The following TENM4 variants were observed in gnomAD, a reference collection of about 807,000 sequenced individuals.
TENM4 encodes teneurin transmembrane protein 4, also known as teneurin-4.
A neutral mutation model predicts 243.3 loss-of-function variants in TENM4; 82 were observed. The ratio of observed to expected loss-of-function variants is 0.34; its 90% CI spans 0.28 to 0.40. The LOEUF (loss-of-function observed/expected upper bound fraction) is 0.40. TENM4 is among the 10% of genes least tolerant of loss of function. The pLI, the probability that TENM4 is intolerant of heterozygous loss-of-function variation, is 1.00. For synonymous variants in TENM4, 1,412 were observed against 1,456.3 expected (o/e 0.97, Z 0.69); for missense variants, 3,138 against 3,673.3 (o/e 0.85, Z 3.77).
At chr11:79,245,343 C>T (rs981927360) in intron 2 of TENM4, among the ~76,000 whole-genome samples, 8 of 152,180 alleles carry the variant, frequency 5.3e-5, no homozygotes, top group East Asian at 3.9e-4. Context: ...TGAACTAGGA[C>T]GTGGATCAGT....
At chr11:78,838,387 G>T (rs1156429433) in intron 12 of TENM4, among the ~76,000 whole-genome samples, 1 of 150,594 alleles carries the variant, frequency 6.6e-6, no homozygotes, top group Non-Finnish European at 1.5e-5. Flanking sequence ...AGTTTTATAA[G>T]ACATGTGGAA....
chr11:78,826,843 A>G (rs1172792831), intron 12 of TENM4, among the ~76,000 whole-genome samples: 2 of 152,242 alleles, frequency 1.3e-5, no homozygotes, highest in Non-Finnish European at 2.9e-5. Flanking sequence ...GGAAGATCCA[A>G]CATGGGAATA....
intron 2 of TENM4, among the ~76,000 whole-genome samples, chr11:79,240,686 CTT>C (rs1439738208): frequency 1.3e-5 from 2 of 152,180 alleles, no homozygotes; most frequent in Admixed American, 6.5e-5. Context: ...GCATGGGAAT[CTT>C]ATGTTTTTTG....
intron 29 of TENM4, among the ~76,000 whole-genome samples, chr11:78,686,972 G>T (rs7926822): frequency 0.11 from 17,261 of 152,170 alleles, 1,702 homozygotes; most frequent in African/African-American, 0.27. Flanking sequence ...AATTACTTAA[G>T]GAATCCAATA....
At position 79,107,442 on chromosome 11, in the gene TENM4, C is replaced by T. The variant is rs191662068; in HGVS notation, c.-65-37433G>A. Among the ~76,000 whole-genome samples the T allele has an allele frequency of 9.7e-4, 147 of 152,288 alleles. 3 individuals carry two copies. The highest frequency in any genetic ancestry group is 3.4e-3 in the Middle Eastern group (1 of 294). On this transcript the variant is annotated intron_variant, in intron 4 of 33. Transcript: ENST00000278550. ...CCACCTCTGTGGCACATCCCATTCC[C>T]CTCACCTGGAAATATTTTCCTTCCT...
chr11:79,113,677 G>C (rs1312410934), intron 4 of TENM4, among the ~76,000 whole-genome samples: 1 of 152,018 alleles, frequency 6.6e-6, no homozygotes, highest in Non-Finnish European at 1.5e-5. Context: ...CAACAAAATG[G>C]CAATTCTCAA....
intron 6 of TENM4, among the ~76,000 whole-genome samples, chr11:79,014,122 A>G (rs1170061021): frequency 1.3e-5 from 2 of 148,384 alleles, no homozygotes; most frequent in Non-Finnish European, 2.9e-5. Context: ...ACAAATATTC[A>G]TTAAAAGAAT....
intron 4 of TENM4, among the ~76,000 whole-genome samples, chr11:79,111,548 A>G (rs1235003013): frequency 1.3e-5 from 2 of 152,130 alleles, no homozygotes; most frequent in African/African-American, 4.8e-5. Context: ...CTGTCTCAAC[A>G]ACAACAACAA....
At chr11:79,161,245 T>C (rs1240353965) in intron 3 of TENM4, among the ~76,000 whole-genome samples, 1 of 152,228 alleles carries the variant, frequency 6.6e-6, no homozygotes, top group African/African-American at 2.4e-5. Flanking sequence ...AGGAAACCTC[T>C]TTGCCCACAT....
intron 6 of TENM4, among the ~76,000 whole-genome samples, chr11:78,980,148 A>G (rs1231121432): frequency 6.6e-6 from 1 of 152,238 alleles, no homozygotes; most frequent in Non-Finnish European, 1.5e-5. Context: ...CTGTCAGAAG[A>G]ACTTTATTCA....
intron 3 of TENM4, among the ~76,000 whole-genome samples, chr11:79,204,256 A>C (rs1009034384): frequency 3.9e-5 from 6 of 152,162 alleles, no homozygotes; most frequent in African/African-American, 1.4e-4. Flanking sequence ...ACTTTAAATG[A>C]CTGTATGTAT....
chr11:78,917,819 T>C (rs2136374597), intron 6 of TENM4, among the ~76,000 whole-genome samples: 1 of 152,318 alleles, frequency 6.6e-6, no homozygotes, highest in Non-Finnish European at 1.5e-5. Flanking sequence ...TGGGTTTGAA[T>C]CCTGGCTCTA....
At chr11:79,261,173 G>T (rs1252000952) in intron 2 of TENM4, among the ~76,000 whole-genome samples, 1 of 152,298 alleles carries the variant, frequency 6.6e-6, no homozygotes, top group South Asian at 2.1e-4. Flanking sequence ...TGGACCTTTT[G>T]TGTGGAAAGT....
At chr11:79,066,037 C>T (rs1352827056) in intron 5 of TENM4, among the ~76,000 whole-genome samples, 1 of 152,150 alleles carries the variant, frequency 6.6e-6, no homozygotes, top group Non-Finnish European at 1.5e-5. Flanking sequence ...CAGGCAGAAC[C>T]CACATTTAAA....
chr11:79,359,306 C>G (rs967541445), intron 1 of TENM4, among the ~76,000 whole-genome samples: 2 of 152,052 alleles, frequency 1.3e-5, no homozygotes, highest in African/African-American at 4.8e-5. Flanking sequence ...TTGTAAAACT[C>G]TACAGGATAA....
intron 12 of TENM4, among the ~76,000 whole-genome samples, chr11:78,831,616 A>T (rs921357516): frequency 6.6e-6 from 1 of 152,232 alleles, no homozygotes; most frequent in African/African-American, 2.4e-5. Context: ...TCAAAGGCAG[A>T]TGTTTTCAGA....
At chr11:79,343,477 A>T (rs1211253820) in intron 1 of TENM4, among the ~76,000 whole-genome samples, 1 of 152,154 alleles carries the variant, frequency 6.6e-6, no homozygotes, top group Non-Finnish European at 1.5e-5. Flanking sequence ...GACAAAAAAA[A>T]TCCCTCCTTC....
intron 4 of TENM4, among the ~76,000 whole-genome samples, chr11:79,076,896 C>A (rs1156810107): frequency 1.3e-5 from 2 of 152,092 alleles, no homozygotes; most frequent in African/African-American, 4.8e-5. Flanking sequence ...TCTTTATTTT[C>A]TCTTATTTAC....
intron 3 of TENM4, among the ~76,000 whole-genome samples, chr11:79,197,294 A>G (rs1863649487): frequency 6.6e-6 from 1 of 151,912 alleles, no homozygotes; most frequent in South Asian, 2.1e-4. Context: ...GAAAGGAGGA[A>G]TTAAGCTGAG....
Sources: gnomAD v4.1 joint callset for allele counts (sites outside exome capture counted in the v4.1 genomes callset) on GRCh38, gnomAD v4.1.1 for gene constraint, MANE v1.5 for transcripts, NCBI Gene and HGNC (gene_info 2026-07-23, HGNC 2026-07-21) for gene names.